The following NCOR2 variants were observed in gnomAD, a reference collection of about 807,000 sequenced individuals.
The protein encoded by NCOR2 is nuclear receptor corepressor 2.
A neutral mutation model predicts 262.9 loss-of-function variants in NCOR2; 81 were observed. The ratio of observed to expected loss-of-function variants is 0.31; its 90% confidence interval spans 0.26 to 0.37. The LOEUF is 0.37. Ranked by LOEUF, NCOR2 falls within the 10% of genes least tolerant of loss-of-function variation. The probability of loss-of-function intolerance (pLI) is 1.00; values close to 1 mark genes in which losing one functional copy is unlikely to be tolerated. For synonymous variants in NCOR2, 1,659 were observed against 1,559.3 expected (o/e 1.06, Z -1.51); for missense variants, 3,385 against 3,621.4 (o/e 0.93, Z 1.68).
intron 32 of NCOR2, among the ~76,000 whole-genome samples, chr12:124,344,001 G>A (rs1381417159): frequency 3.3e-5 from 5 of 152,294 alleles, no homozygotes; most frequent in African/African-American, 9.6e-5. Context: ...GCCTCCCCAA[G>A]GATGTAATAT....
intron 1 of NCOR2, among the ~76,000 whole-genome samples, chr12:124,527,564 C>G (rs778705246): frequency 1.1e-4 from 17 of 152,034 alleles, no homozygotes; most frequent in Non-Finnish European, 1.3e-4. Context: ...ATTACAGGCG[C>G]CCGCCACCAC....
intron 13 of NCOR2, among the ~76,000 whole-genome samples, chr12:124,419,147 G>A (rs1417423880): frequency 1.2e-4 from 19 of 152,160 alleles, no homozygotes; most frequent in Admixed American, 1.0e-3. Context: ...TTTCAAAGGC[G>A]TGCCACTGAG....
intron 1 of NCOR2, among the ~76,000 whole-genome samples, chr12:124,559,879 G>A (rs1478975787): frequency 1.3e-5 from 2 of 152,238 alleles, no homozygotes; most frequent in Non-Finnish European, 2.9e-5. Context: ...CAGTGCCACA[G>A]AGTAGGTGCT....
intron 33 of NCOR2, 112 bp from the exon 36 acceptor site, chr12:124,342,186 C>G: frequency 7.7e-7 from 1 of 1,296,310 alleles, no homozygotes; most frequent in South Asian, 1.5e-5. Context: ...CTCCCACCTA[C>G]ATGTGTGGCT....
chr12:124,468,232 T>C, intron 4 of NCOR2, among the ~76,000 whole-genome samples: 1 of 44,978 alleles, frequency 2.2e-5, no homozygotes, highest in Non-Finnish European at 4.3e-5. Flanking sequence ...CCCCTCATCC[T>C]CATCACCCCC....
rs7978237 is a variant in NCOR2 at position 124,372,487 on chromosome 12, C to G, written c.2342G>C (p.Gly781Ala). The change falls in exon 20 of 47, where the codon GGG becomes GCG. Residue 781 changes from glycine to alanine, a missense_variant. Around this residue, in one of 5 missense-constraint regions of NCOR2, gnomAD observed 1,615 missense variants for 1,626.9 expected, o/e 0.99. Coordinates refer to ENST00000405201, the Ensembl canonical transcript of NCOR2. ...GTCCTCCGGTGGTGGGGTGGGTGGC[C>G]CTGGGGGTGGCCCGTCGGCGCCCAG... 5 of 1,575,274 alleles carry G rather than the reference C, an allele frequency of 3.2e-6. No individual in the cohort carries two copies. In the African/African-American group the frequency reaches 6.8e-5, roughly 21 times the overall value.
chr12:124,355,602 C>T (rs2135920813), intron 23 of NCOR2, 31 bp from the exon 26 acceptor site: 1 of 1,522,870 alleles, frequency 6.6e-7, no homozygotes, highest in Non-Finnish European at 8.8e-7. Flanking sequence ...CATTGTGGGG[C>T]CCAGGAGCGG....
rs1028346036 is a variant in NCOR2, at chr12:124,481,408, C to A, written c.411+2188G>T. Among the ~76,000 whole-genome samples, 1 of 152,110 alleles carries A rather than the reference C, an allele frequency of 6.6e-6. No homozygotes were observed. Among genetic ancestry groups the A allele is most frequent in the Admixed American group, 6.5e-5 (1 of 15,280 alleles). Reference sequence around the variant, plus strand: ...GGCTGAATCTCACACCCCAGGAGGACGTGGTGGGGCTGCAGCCTCAGCCAT... The same window carrying A: ...GGCTGAATCTCACACCCCAGGAGGAAGTGGTGGGGCTGCAGCCTCAGCCAT... On this transcript the variant is annotated intron_variant, in intron 3 of 46. Coordinates refer to ENST00000405201, the Ensembl canonical transcript of NCOR2. This position sits in a 1 kb window ranked among gnomAD's most constrained non-coding sequence, Gnocchi z 4.6.
intron 13 of NCOR2, among the ~76,000 whole-genome samples, chr12:124,412,044 C>G (rs2136246226): frequency 6.6e-6 from 1 of 152,358 alleles, no homozygotes; most frequent in South Asian, 2.1e-4. Flanking sequence ...AATCCCACCA[C>G]TCTAAACAGC....
chr12:124,412,918 GAC>G (rs1433940545), intron 13 of NCOR2, among the ~76,000 whole-genome samples: 3 of 151,744 alleles, frequency 2.0e-5, no homozygotes, highest in Non-Finnish European at 3.0e-5. Context: ...CTTGGCCTCA[GAC>G]AGGGGGAACT....
At chr12:124,554,843 C>T (rs945818250) in intron 1 of NCOR2, among the ~76,000 whole-genome samples, 1 of 152,262 alleles carries the variant, frequency 6.6e-6, no homozygotes, top group African/African-American at 2.4e-5. Flanking sequence ...CCAAGACAGA[C>T]AGGGTCAGCT....
rs1350823270 is a variant in NCOR2, at chr12:124,503,504, G to A, written c.-117-8136C>T. Among the ~76,000 whole-genome samples the A allele has an allele frequency of 3.9e-5, 6 of 151,926 alleles. No individual in the cohort carries two copies. The highest frequency in any genetic ancestry group is 8.8e-5 in the Non-Finnish European group (6 of 67,950). On this transcript the variant is annotated intron_variant, in intron 1 of 46. Transcript: ENST00000404621. The surrounding 1 kb of genome is among the most constrained non-coding windows in gnomAD (Gnocchi z 4.3). ...ATGGATGATGGATTGATGGATGGAT[G>A]GATGGATGGACAGAGGATGGACAGA...
chr12:124,494,672 TC>T (rs1196844680), intron 1 of NCOR2, among the ~76,000 whole-genome samples: 2 of 151,996 alleles, frequency 1.3e-5, no homozygotes, highest in African/African-American at 4.8e-5. Context: ...GTGTGGGGCC[TC>T]CTCACCTCAG....
upstream of NCOR2, among the ~76,000 whole-genome samples, chr12:124,495,745 G>T (rs1228409068): frequency 1.3e-5 from 2 of 152,134 alleles, no homozygotes; most frequent in Non-Finnish European, 2.9e-5. This position sits in a 1 kb window ranked among gnomAD's most constrained non-coding sequence, Gnocchi z 4.4. Context: ...AGAATTCCCA[G>T]AAAGCACCTG....
At chr12:124,465,086 C>A (rs1023624896) in intron 5 of NCOR2, among the ~76,000 whole-genome samples, 8 of 152,140 alleles carry the variant, frequency 5.3e-5, no homozygotes, top group African/African-American at 1.7e-4. Context: ...TGACTCGAGG[C>A]CTCCCCACCC....
rs1481093225 is a variant in NCOR2, at chr12:124,482,978, C to T, written c.411+618G>A. On this transcript the variant is annotated intron_variant, in intron 3 of 46. Coordinates refer to ENST00000405201, the Ensembl canonical transcript of NCOR2. This position sits in a 1 kb window ranked among gnomAD's most constrained non-coding sequence, Gnocchi z 6.3. The stretch of plus-strand genomic sequence containing the variant: ...CCCTTTAGTGCTGAGCCAACTCTGT[C>T]TCATCTCACTTTGCGGGACTCTGGA... Among the ~76,000 whole-genome samples the T allele has an allele frequency of 2.0e-5, 3 of 152,156 alleles. No homozygotes were observed.
chr12:124,456,997 C>A lies in NCOR2; in HGVS notation c.762+109G>T, dbSNP rs906306. ...TCCTCCGCGGACGCCGCCTGGGCAGCGCTTGGTAATAGATGACTTCCTCCT... is the reference window on the plus strand; with the variant it reads ...TCCTCCGCGGACGCCGCCTGGGCAGAGCTTGGTAATAGATGACTTCCTCCT... On this transcript the variant is annotated intron_variant, in intron 6 of 46. Transcript: ENST00000405201. 18 of 966,776 alleles carry A rather than the reference C, an allele frequency of 1.9e-5. No homozygotes were observed. The African/African-American group carries it at 3.1e-4, about 17-fold the overall frequency. 59.9% of individuals were successfully genotyped at this position (966,776 alleles called of 1,614,324 possible). A position where few individuals can be genotyped will look rare whatever the true frequency, so the allele number is the denominator to read the frequency against.
chr12:124,416,121 G>C lies in NCOR2; in HGVS notation c.1482+3836C>G, dbSNP rs192567256. The stretch of plus-strand genomic sequence containing the variant: ...CCACTGGAGCTGAGACGGGGCCCAA[G>C]CTCTGCAGTGAGCCACAGGCCTCAC... On this transcript the variant is annotated intron_variant, in intron 13 of 46. Coordinates refer to ENST00000405201, the Ensembl canonical transcript of NCOR2. 3.3e-5 allele frequency among the ~76,000 whole-genome samples: 5 copies of C among 152,196 alleles called. No homozygotes were observed. In the South Asian group the frequency reaches 1.0e-3, roughly 31 times the overall value.
At chr12:124,560,539 G>A (rs577360561) in intron 1 of NCOR2, among the ~76,000 whole-genome samples, 9 of 152,328 alleles carry the variant, frequency 5.9e-5, no homozygotes, top group East Asian at 5.8e-4. Flanking sequence ...TGCTTTCTAC[G>A]TTCCACAATC....
Sources: allele counts gnomAD v4.1 joint callset (sites outside exome capture counted in the v4.1 genomes callset), GRCh38; gene constraint gnomAD v4.1.1; regional missense constraint gnomAD v4.1.1; non-coding constraint Gnocchi (gnomAD v3.1); transcripts MANE v1.5; gene names NCBI Gene and HGNC (gene_info 2026-07-23, HGNC 2026-07-21).